Variants in RBFOX1 observed in about 807,000 individuals in gnomAD.
RBFOX1 encodes RNA binding protein fox-1 homolog 1.
Under a neutral mutation model 57.7 loss-of-function variants are expected in RBFOX1, and 8 were observed. The ratio of observed to expected loss-of-function variants is 0.14; its 90% CI spans 0.08 to 0.25. The LOEUF is 0.25. Ranked by LOEUF, RBFOX1 falls within the 10% of genes least tolerant of loss-of-function variation. The probability of loss-of-function intolerance (pLI) is 1.00; values close to 1 mark genes in which losing one functional copy is unlikely to be tolerated. For missense variants in RBFOX1, 611 were observed against 548.5 expected (o/e 1.11, Z -1.14); for synonymous variants, 326 against 222.4 (o/e 1.47, Z -4.15).
intron 1 of RBFOX1, among the ~76,000 whole-genome samples, chr16:5,393,999 C>T (rs144987456): frequency 3.4e-4 from 52 of 152,246 alleles, no homozygotes; most frequent in African/African-American, 1.1e-3. Flanking sequence ...TGGCTGATTT[C>T]GCTTAGCATA....
chr16:7,695,349 A>T (rs2078458039), intron 14 of RBFOX1, among the ~76,000 whole-genome samples: 1 of 152,042 alleles, frequency 6.6e-6, no homozygotes, highest in African/African-American at 2.4e-5. Context: ...AAAGGTTGTA[A>T]CTCGTGGTTT....
intron 3 of RBFOX1, among the ~76,000 whole-genome samples, chr16:6,732,561 G>C (rs112202679): frequency 6.6e-6 from 1 of 152,208 alleles, no homozygotes; most frequent in Non-Finnish European, 1.5e-5. Flanking sequence ...ATCCTGAATA[G>C]GCAGACTTTC....
At chr16:6,769,110 T>C (rs897327547) in intron 3 of RBFOX1, among the ~76,000 whole-genome samples, 1 of 152,190 alleles carries the variant, frequency 6.6e-6, no homozygotes, top group Non-Finnish European at 1.5e-5. Flanking sequence ...CCACGTGTTG[T>C]GTGAGGGACT....
At chr16:7,566,042 T>C (rs2091603764) in intron 5 of RBFOX1, among the ~76,000 whole-genome samples, 1 of 152,176 alleles carries the variant, frequency 6.6e-6, no homozygotes, top group African/African-American at 2.4e-5. Context: ...GGGCTTTTGA[T>C]ATAGTGCATC....
At chr16:6,678,638 T>C (rs945317634) in intron 3 of RBFOX1, among the ~76,000 whole-genome samples, 4 of 151,468 alleles carry the variant, frequency 2.6e-5, no homozygotes, top group African/African-American at 2.4e-5. Context: ...TGCTTTACCA[T>C]ATGTGGGAAA....
chr16:5,643,054 C>G (rs1019527959), intron 3 of RBFOX1, among the ~76,000 whole-genome samples: 1 of 152,190 alleles, frequency 6.6e-6, no homozygotes, highest in Non-Finnish European at 1.5e-5. Flanking sequence ...ATGATATATT[C>G]TTGCTCCTCC....
At chr16:5,551,191 C>T (rs1456942426) in intron 2 of RBFOX1, among the ~76,000 whole-genome samples, 2 of 152,200 alleles carry the variant, frequency 1.3e-5, no homozygotes, top group Non-Finnish European at 2.9e-5. Flanking sequence ...CTCTGGAGCT[C>T]TTACCCCGTG....
intron 1 of RBFOX1, among the ~76,000 whole-genome samples, chr16:6,100,158 T>G (rs557895748): frequency 1.2e-3 from 175 of 152,160 alleles, no homozygotes; most frequent in Middle Eastern, 3.4e-3. Context: ...TGTTGTTGTT[T>G]TTTTTTGTTG....
At chr16:7,296,767 C>G (rs1239695633) in intron 4 of RBFOX1, among the ~76,000 whole-genome samples, 1 of 152,150 alleles carries the variant, frequency 6.6e-6, no homozygotes, top group African/African-American at 2.4e-5. Flanking sequence ...CGGGTGCAGA[C>G]TGAAATCCAC....
At chr16:6,752,851 G>C (rs139895860) in intron 3 of RBFOX1, among the ~76,000 whole-genome samples, 5 of 147,910 alleles carry the variant, frequency 3.4e-5, no homozygotes, top group African/African-American at 1.2e-4. Flanking sequence ...TGTGTTCTCT[G>C]TCAGCCTCTC....
intron 4 of RBFOX1, among the ~76,000 whole-genome samples, chr16:7,218,034 C>T (rs545869510): frequency 2.9e-4 from 44 of 150,672 alleles, no homozygotes; most frequent in South Asian, 1.5e-3. Flanking sequence ...GGTGTGTGCG[C>T]GCGTGTGCGT....
intron 3 of RBFOX1, among the ~76,000 whole-genome samples, chr16:6,725,005 C>T (rs1294924374): frequency 6.7e-6 from 1 of 149,976 alleles, no homozygotes; most frequent in Non-Finnish European, 1.5e-5. Flanking sequence ...TGGGGACAGC[C>T]AGGAGTCACT....
At chr16:6,865,774 G>T (rs2059807663) in intron 3 of RBFOX1, among the ~76,000 whole-genome samples, 1 of 151,826 alleles carries the variant, frequency 6.6e-6, no homozygotes, top group African/African-American at 2.4e-5. Context: ...ATTTTTTCCT[G>T]CTTTATTTGT....
chr16:7,580,960 C>G (rs1008506599), intron 6 of RBFOX1, among the ~76,000 whole-genome samples: 1 of 152,176 alleles, frequency 6.6e-6, no homozygotes, highest in Non-Finnish European at 1.5e-5. Flanking sequence ...ACAAAAGGAA[C>G]AAGAAGATGC....
chr16:5,967,543 C>A (rs1282008939), intron 4 of RBFOX1, among the ~76,000 whole-genome samples: 1 of 152,034 alleles, frequency 6.6e-6, no homozygotes. Flanking sequence ...CGTTTCTATG[C>A]CTTTATAGTA....
At chr16:5,266,822 G>C (rs1290433190) in intron 1 of RBFOX1, among the ~76,000 whole-genome samples, 2 of 152,094 alleles carry the variant, frequency 1.3e-5, no homozygotes, top group African/African-American at 4.8e-5. Flanking sequence ...GCCTCCCAAA[G>C]TGCTGGGATG....
intron 1 of RBFOX1, among the ~76,000 whole-genome samples, chr16:5,314,504 C>T (rs1291695165): frequency 2.0e-5 from 3 of 152,156 alleles, no homozygotes; most frequent in Non-Finnish European, 4.4e-5. Flanking sequence ...TTTATTTACT[C>T]ATTTTTTCTT....
At chr16:6,056,605 G>T (rs1398539959) in intron 1 of RBFOX1, among the ~76,000 whole-genome samples, 1 of 152,056 alleles carries the variant, frequency 6.6e-6, no homozygotes, top group East Asian at 1.9e-4. Context: ...ATTCCTGGTG[G>T]GTCTATAGCT....
intron 4 of RBFOX1, among the ~76,000 whole-genome samples, chr16:7,284,091 G>A (rs556913525): frequency 4.2e-4 from 64 of 152,208 alleles, no homozygotes; most frequent in Non-Finnish European, 4.6e-4. Context: ...ATTCATCCAG[G>A]TAGTTGCATC....
Sources: gnomAD v4.1 joint callset for allele counts (sites outside exome capture counted in the v4.1 genomes callset) on GRCh38, gnomAD v4.1.1 for gene constraint, MANE v1.5 for transcripts, NCBI Gene and HGNC (gene_info 2026-07-23, HGNC 2026-07-21) for gene names.